Variants in INKA2 observed in about 807,000 individuals in gnomAD.
INKA2 encodes inka box actin regulator 2.
Under a neutral mutation model 9.8 loss-of-function variants are expected in INKA2, and 3 were observed. That is an observed-to-expected ratio of 0.31 (90% CI 0.14 to 0.79). The LOEUF (loss-of-function observed/expected upper bound fraction) is 0.79. Ranked by LOEUF, INKA2 falls within the 30% of genes least tolerant of loss-of-function variation. The pLI, the probability that INKA2 is intolerant of heterozygous loss-of-function variation, is 0.62. For synonymous variants in INKA2, 147 were observed against 143.3 expected, an observed-to-expected ratio of 1.03 and a Z score of -0.18; for missense variants, 392 against 384.4, an observed-to-expected ratio of 1.02 and a Z score of -0.17.
chr1:111,748,424 G>T (rs1468019401), intron 1 of INKA2, among the ~76,000 whole-genome samples: 1 of 152,170 alleles, frequency 6.6e-6, no homozygotes, highest in Non-Finnish European at 1.5e-5. Context: ...GTATGCAAAG[G>T]CCCTTTGAAA....
In INKA2 at chr1:111,723,124, G is replaced by T. The variant is rs1662684719; in HGVS notation, c.*3844C>A. On this transcript the variant is annotated 3_prime_UTR_variant, in exon 2 of 2. Transcript: ENST00000357260. Reference sequence around the variant, plus strand: ...GCCTTAACTGCACCGGATGGGGAAGGCACCTGAGGTGGGTTCTGGCTGCTC... The same window carrying T: ...GCCTTAACTGCACCGGATGGGGAAGTCACCTGAGGTGGGTTCTGGCTGCTC... 4.3e-6 allele frequency: 3 copies of T among 699,712 alleles called. No homozygotes were observed. Among genetic ancestry groups the T allele is most frequent in the African/African-American group, 1.8e-5 (1 of 57,044 alleles). The allele number at this position is 699,712 out of a possible 1,614,324, so 43.3% of individuals were successfully genotyped here.
chr1:111,748,018 T>C (rs775651150), intron 1 of INKA2, among the ~76,000 whole-genome samples: 5 of 152,214 alleles, frequency 3.3e-5, no homozygotes, highest in Non-Finnish European at 7.3e-5. Context: ...CCCTGTTCCA[T>C]GAAATGTAAT....
intron 1 of INKA2, among the ~76,000 whole-genome samples, chr1:111,736,501 C>A (rs1185244520): frequency 6.6e-6 from 1 of 152,188 alleles, no homozygotes; most frequent in Non-Finnish European, 1.5e-5. Flanking sequence ...AATTTCACAA[C>A]CTGTTAATGT....
intron 1 of INKA2, among the ~76,000 whole-genome samples, chr1:111,730,758 TTGAG>T (rs1201116508): frequency 6.6e-6 from 1 of 151,914 alleles, no homozygotes; most frequent in Non-Finnish European, 1.5e-5. Flanking sequence ...GAAATATGTA[TTGAG>T]TATCTACTCC....
Position 111,723,322 on chromosome 1 carries a change from C to A in INKA2, c.*3646G>T. 1 of 507,356 alleles carries A rather than the reference C, an allele frequency of 2.0e-6. No individual in the cohort carries two copies. The highest frequency in any genetic ancestry group is 2.9e-5 in the South Asian group (1 of 34,358). 31.4% of individuals were successfully genotyped at this position (507,356 alleles called of 1,614,324 possible). On this transcript the variant is annotated 3_prime_UTR_variant, in exon 2 of 2. Transcript: ENST00000357260. ...GGGGCAAGTTTGGGTTCAGAGATCA[C>A]CCTGAGGGGCGGGGCACAAGGGAAG...
chr1:111,749,201 C>T (rs1663340785), intron 1 of INKA2, among the ~76,000 whole-genome samples: 1 of 152,202 alleles, frequency 6.6e-6, no homozygotes. Context: ...GCTCTATGTA[C>T]TCCAGACCAC....
At chr1:111,730,722 A>G (rs1662886723) in intron 1 of INKA2, among the ~76,000 whole-genome samples, 2 of 152,156 alleles carry the variant, frequency 1.3e-5, no homozygotes, top group African/African-American at 4.8e-5. Context: ...CATGTCCTCT[A>G]TGCATTTAAA....
intron 1 of INKA2, among the ~76,000 whole-genome samples, chr1:111,732,338 C>T (rs574188961): frequency 6.6e-6 from 1 of 152,134 alleles, no homozygotes; most frequent in Non-Finnish European, 1.5e-5. Flanking sequence ...GAGGGGCCAG[C>T]TCAGATAGAC....
Position 111,726,910 on chromosome 1 carries a change from G to A in INKA2, c.*58C>T. The stretch of plus-strand genomic sequence containing the variant: ...TACCGCCCACCCTCCCTCCTCCCCA[G>A]GGGCCCAGCACTGGGACCTGGCCCT... On this transcript the variant is annotated 3_prime_UTR_variant, in exon 2 of 2. Coordinates refer to ENST00000357260, the MANE Select transcript of INKA2 (RefSeq NM_019099.5). 2 of 1,515,866 alleles carry A rather than the reference G, an allele frequency of 1.3e-6. No homozygotes were observed. The highest frequency in any genetic ancestry group is 2.5e-5 in the South Asian group (2 of 81,286). 93.9% of individuals were successfully genotyped at this position (1,515,866 alleles called of 1,614,324 possible).
At chr1:111,736,217 TCTC>T (rs1299267207) in intron 1 of INKA2, among the ~76,000 whole-genome samples, 3 of 152,190 alleles carry the variant, frequency 2.0e-5, no homozygotes, top group Non-Finnish European at 2.9e-5. Flanking sequence ...TGCTGCTACT[TCTC>T]CTGCCACATT....
In INKA2 at chr1:111,728,038, T is replaced by TACACACACACACACACACACACACAC. The variant is rs60867844; in HGVS notation, c.58-260_58-235dup. ...GTCCTGAGAAGGCTCCCCCACCCCA[T>TACACACACACACACACACACACACAC]ACACACACACACACACACACACACA... is the stretch of plus-strand genomic sequence containing the variant. On this transcript the variant is annotated intron_variant, in intron 1 of 1. Coordinates refer to ENST00000357260, the MANE Select transcript of INKA2 (RefSeq NM_019099.5). Among the ~76,000 whole-genome samples the TACACACACACACACACACACACACAC allele has an allele frequency of 1.4e-3, 154 of 109,498 alleles. 4 individuals carry two copies. Among genetic ancestry groups the TACACACACACACACACACACACACAC allele is most frequent in the African/African-American group, 3.7e-3 (117 of 31,456 alleles). The allele number at this position is 109,498 out of a possible 152,430, so 71.8% of individuals were successfully genotyped here. A position where few individuals can be genotyped will look rare whatever the true frequency, so the allele number is the denominator to read the frequency against.
chr1:111,753,121 CCCT>C (rs1663445539), intron 1 of INKA2: 1 of 152,202 alleles, frequency 6.6e-6, no homozygotes. Context: ...AGGAATCTCT[CCCT>C]CCTCTAGCTC....
Position 111,745,265 on chromosome 1 carries a change from T to TTTTATATATATATATATA in INKA2, n.124+10435_124+10436insTATATATATATATATAAA, listed in dbSNP as rs1553232613. On this transcript the variant is annotated intron_variant and non_coding_transcript_variant, in intron 1 of 1. Transcript: ENST00000444059. ...ACACACACACACACACACAGAGATA[T>TTTTATATATATATATATA]TATATATATATATATATATATATAT... 126 of 45,092 alleles carry TTTTATATATATATATATA rather than the reference T, an allele frequency of 2.8e-3. 14 individuals carry two copies. The highest frequency in any genetic ancestry group is 4.7e-3 in the African/African-American group (55 of 11,740). 2.8% of individuals were successfully genotyped at this position (45,092 alleles called of 1,614,324 possible). A position where few individuals can be genotyped will look rare whatever the true frequency, so the allele number is the denominator to read the frequency against.
chr1:111,742,516 G>A (rs1326042133), upstream of INKA2, among the ~76,000 whole-genome samples: 3 of 152,180 alleles, frequency 2.0e-5, no homozygotes, highest in East Asian at 5.8e-4. Flanking sequence ...ACCGGGAGGC[G>A]GAGGTTTCAG....
chr1:111,750,074 A>G (rs1312622409), intron 1 of INKA2, among the ~76,000 whole-genome samples: 1 of 152,242 alleles, frequency 6.6e-6, no homozygotes, highest in Non-Finnish European at 1.5e-5. Flanking sequence ...CCCTTTCTCG[A>G]AAGAAGAGCA....
At chr1:111,754,883 A>G (rs373110138) in intron 1 of INKA2, 1 of 152,386 alleles carries the variant, frequency 6.6e-6, no homozygotes, top group African/African-American at 2.4e-5. Flanking sequence ...TCAGGTAGGT[A>G]TAAGTATCAT....
chr1:111,741,495 C>T (rs760783428), upstream of INKA2, among the ~76,000 whole-genome samples: 26 of 152,198 alleles, frequency 1.7e-4, 1 homozygote, highest in African/African-American at 2.4e-5. Flanking sequence ...GCTGTGGTTT[C>T]CAGTCCAGCT....
intron 1 of INKA2, chr1:111,755,581 A>T: frequency 8.6e-7 from 1 of 1,167,948 alleles, no homozygotes; most frequent in Non-Finnish European, 1.2e-6. Context: ...AAGAACGGCG[A>T]GAGGGCGGTG....
At chr1:111,753,835 T>C (rs1224873402) in intron 1 of INKA2, 1 of 152,188 alleles carries the variant, frequency 6.6e-6, no homozygotes, top group East Asian at 1.9e-4. Flanking sequence ...AAATACAACA[T>C]AAGAGCCAGA....
Sources: allele counts gnomAD v4.1 joint callset (sites outside exome capture counted in the v4.1 genomes callset), GRCh38; gene constraint gnomAD v4.1.1; transcripts MANE v1.5; gene names NCBI Gene and HGNC (gene_info 2026-07-23, HGNC 2026-07-21).